The following PDE1C variants were observed in gnomAD, a reference collection of about 807,000 sequenced individuals.
PDE1C encodes phosphodiesterase 1C, also known as dual specificity calcium/calmodulin-dependent 3',5'-cyclic nucleotide phosphodiesterase 1C.
In PDE1C, 62 loss-of-function variants were observed where a neutral mutation model predicts 93.1. The observed-to-expected ratio is 0.67, with a 90% CI of 0.54 to 0.82. The LOEUF (loss-of-function observed/expected upper bound fraction) is 0.82, where lower values mean the gene tolerates loss of function less well. Ranked by LOEUF, PDE1C falls within the 40% of genes least tolerant of loss-of-function variation. PDE1C has a pLI of 0.00. For synonymous variants in PDE1C, 325 were observed against 310.1 expected, an observed-to-expected ratio of 1.05 and a Z score of -0.50; for missense variants, 742 against 884.6, an observed-to-expected ratio of 0.84 and a Z score of 2.04.
chr7:31,969,662 A>C (rs939065200), intron 2 of PDE1C, among the ~76,000 whole-genome samples: 2 of 152,216 alleles, frequency 1.3e-5, no homozygotes, highest in African/African-American at 4.8e-5. Flanking sequence ...AAAGGATTAT[A>C]AATCATGCTG....
chr7:31,792,706 T>C (rs1429607744), intron 16 of PDE1C, among the ~76,000 whole-genome samples: 3 of 152,116 alleles, frequency 2.0e-5, no homozygotes, highest in Non-Finnish European at 2.9e-5. Flanking sequence ...TCTGGTTTTA[T>C]GTATTTGTTT....
chr7:32,299,254 A>C, exon 1 of PDE1C: 1 of 987,646 alleles, frequency 1.0e-6, no homozygotes, highest in Non-Finnish European at 1.2e-6. Flanking sequence ...GAGCTTCCAG[A>C]AAGCACATCA....
At chr7:32,411,665 AGGCG>A (rs1785173199) in intron 1 of PDE1C, among the ~76,000 whole-genome samples, 1 of 152,202 alleles carries the variant, frequency 6.6e-6, no homozygotes, top group Non-Finnish European at 1.5e-5. Context: ...CTGTACACTT[AGGCG>A]ACACTAAATT....
the PDE1C span, among the ~76,000 whole-genome samples, chr7:31,715,118 G>C: frequency 6.6e-6 from 1 of 152,114 alleles, no homozygotes; most frequent in Non-Finnish European, 1.5e-5. Context: ...AAATTTTTGG[G>C]TTCCTCATGT....
chr7:32,254,162 T>C (rs1809606182), intron 1 of PDE1C, among the ~76,000 whole-genome samples: 1 of 152,204 alleles, frequency 6.6e-6, no homozygotes, highest in Admixed American at 6.5e-5. Flanking sequence ...CAGGTTATTG[T>C]TGGCGCATTG....
chr7:32,252,398 A>G (rs889515216), intron 1 of PDE1C, among the ~76,000 whole-genome samples: 1 of 152,238 alleles, frequency 6.6e-6, no homozygotes, highest in African/African-American at 2.4e-5. Flanking sequence ...TTTGTTGATG[A>G]TTTTGTAAAA....
chr7:31,707,364 G>C, the PDE1C span: 1 of 1,217,008 alleles, frequency 8.2e-7, no homozygotes, highest in South Asian at 1.5e-5. Context: ...ACTTGTTTCT[G>C]CTCTCATTTT....
At chr7:31,794,042 A>AGATAGATAGATAGATAGACG (rs1157143757) in intron 16 of PDE1C, among the ~76,000 whole-genome samples, 22 of 84,618 alleles carry the variant, frequency 2.6e-4, no homozygotes, top group African/African-American at 3.2e-4. Flanking sequence ...ATAGATAGAT[A>AGATAGATAGATAGATAGACG]GACAGACAGA....
intron 2 of PDE1C, among the ~76,000 whole-genome samples, chr7:32,026,246 C>T (rs1309425305): frequency 6.6e-6 from 1 of 152,072 alleles, no homozygotes; most frequent in East Asian, 1.9e-4. Context: ...GGTTGCCAGC[C>T]CCACAGCCTA....
chr7:32,055,079 T>C (rs11977195), intron 1 of PDE1C, among the ~76,000 whole-genome samples: 11,335 of 152,310 alleles, frequency 0.074, 494 homozygotes, highest in Non-Finnish European at 0.09. Flanking sequence ...ATGGAAAGAA[T>C]GATGGCTTAC....
chr7:32,089,155 A>C (rs1017311252), intron 3 of PDE1C, among the ~76,000 whole-genome samples: 3 of 152,194 alleles, frequency 2.0e-5, no homozygotes, highest in African/African-American at 7.2e-5. Context: ...CCCTAAACAT[A>C]AATACTGCTA....
upstream of PDE1C, among the ~76,000 whole-genome samples, chr7:32,075,210 CA>C (rs1796281905): frequency 6.6e-6 from 1 of 152,206 alleles, no homozygotes; most frequent in Admixed American, 6.5e-5. Context: ...TCAGAAAGAG[CA>C]AAGCTTTTTT....
At chr7:31,715,679 CTT>C in the PDE1C span, among the ~76,000 whole-genome samples, 1 of 152,342 alleles carries the variant, frequency 6.6e-6, no homozygotes, top group Non-Finnish European at 1.5e-5. Flanking sequence ...GTAGATGTAA[CTT>C]TCATTCTTCT....
At chr7:32,103,852 CAAG>C (rs1466904965) in intron 3 of PDE1C, among the ~76,000 whole-genome samples, 2 of 151,724 alleles carry the variant, frequency 1.3e-5, no homozygotes, top group African/African-American at 4.8e-5. Flanking sequence ...AGAGAAGAAA[CAAG>C]AATAGGATGC....
the PDE1C span, among the ~76,000 whole-genome samples, chr7:31,679,138 A>C: frequency 6.6e-6 from 1 of 152,110 alleles, no homozygotes; most frequent in Non-Finnish European, 1.5e-5. Flanking sequence ...ACCAGAATGC[A>C]CTCCTGGGCT....
chr7:32,070,734 A>AC, upstream of PDE1C: 1 of 1,106,444 alleles, frequency 9.0e-7, no homozygotes, highest in Non-Finnish European at 1.1e-6. Context: ...TTCTCCCCCT[A>AC]CCCCCAAACA....
intron 2 of PDE1C, among the ~76,000 whole-genome samples, chr7:31,980,824 C>A (rs1330532268): frequency 6.6e-6 from 1 of 152,128 alleles, no homozygotes; most frequent in Admixed American, 6.5e-5. Flanking sequence ...GCTTGTGGCC[C>A]CTTCTTCCAT....
At chr7:32,089,598 C>T (rs868839477) in intron 3 of PDE1C, among the ~76,000 whole-genome samples, 7 of 152,142 alleles carry the variant, frequency 4.6e-5, no homozygotes, top group East Asian at 1.9e-4. Context: ...AAAAGGAACC[C>T]GCAGTTCTCG....
At chr7:31,839,547 A>G (rs1791580810) in intron 9 of PDE1C, among the ~76,000 whole-genome samples, 1 of 152,180 alleles carries the variant, frequency 6.6e-6, no homozygotes, top group Non-Finnish European at 1.5e-5. Flanking sequence ...ATTCTATCAT[A>G]TGAGCATACC....
Sources: gnomAD v4.1 joint callset for allele counts (sites outside exome capture counted in the v4.1 genomes callset) on GRCh38, gnomAD v4.1.1 for gene constraint, MANE v1.5 for transcripts, NCBI Gene and HGNC (gene_info 2026-07-23, HGNC 2026-07-21) for gene names.